Variants in BMP5 observed in about 807,000 individuals in gnomAD.
The protein encoded by BMP5 is bone morphogenetic protein 5.
BMP5 carries 23 observed loss-of-function variants against 46.6 expected under a neutral mutation model. That is an observed-to-expected ratio of 0.49 (90% CI 0.35 to 0.70). The LOEUF is 0.70. Among genes scored for constraint, BMP5 ranks in the 30% least tolerant of loss-of-function variants. The pLI, the probability that BMP5 is intolerant of heterozygous loss-of-function variation, is 0.00. For missense variants in BMP5, 545 were observed against 565.6 expected, an observed-to-expected ratio of 0.96 and a Z score of 0.37; for synonymous variants, 204 against 191.9, an observed-to-expected ratio of 1.06 and a Z score of -0.52.
intron 4 of BMP5, among the ~76,000 whole-genome samples, chr6:55,761,379 C>A (rs894125784): frequency 2.0e-5 from 3 of 152,030 alleles, no homozygotes; most frequent in Non-Finnish European, 2.9e-5. Flanking sequence ...CACTTCCCTG[C>A]CAGTCCCTCT....
At chr6:55,835,035 G>A (rs114684655) in intron 1 of BMP5, among the ~76,000 whole-genome samples, 431 of 150,920 alleles carry the variant, frequency 2.9e-3, no homozygotes, top group Admixed American at 4.5e-3. Flanking sequence ...GAAGTGAGAC[G>A]AAGTTGTGCC....
intron 1 of BMP5, among the ~76,000 whole-genome samples, chr6:55,824,773 C>A (rs2127540275): frequency 6.6e-6 from 1 of 152,026 alleles, no homozygotes; most frequent in Middle Eastern, 3.4e-3. Flanking sequence ...GAGACCACAG[C>A]AGCCTGTTCA....
At chr6:55,767,314 T>C (rs1774936996) in intron 4 of BMP5, among the ~76,000 whole-genome samples, 1 of 152,032 alleles carries the variant, frequency 6.6e-6, no homozygotes, top group Non-Finnish European at 1.5e-5. Context: ...ACTCCTTTTG[T>C]ACCAGTTCTA....
chr6:55,758,163 T>C (rs773881022), intron 6 of BMP5, among the ~76,000 whole-genome samples: 5 of 151,952 alleles, frequency 3.3e-5, no homozygotes, highest in Admixed American at 6.6e-5. Context: ...GATTCTAAAA[T>C]AATGTGTTCT....
chr6:55,813,206 T>A (rs937562976), intron 2 of BMP5, among the ~76,000 whole-genome samples: 1 of 152,130 alleles, frequency 6.6e-6, no homozygotes, highest in Admixed American at 6.5e-5. Context: ...TTTGTAAAGA[T>A]GTGTGTAGCA....
At chr6:55,799,369 AT>A (rs1265646868) in intron 2 of BMP5, among the ~76,000 whole-genome samples, 5 of 152,188 alleles carry the variant, frequency 3.3e-5, no homozygotes, top group Admixed American at 6.5e-5. Context: ...TTAATTTTGT[AT>A]TTACAAAAAG....
chr6:55,828,662 G>GA (rs1776586275), intron 1 of BMP5, among the ~76,000 whole-genome samples: 1 of 150,812 alleles, frequency 6.6e-6, no homozygotes, highest in African/African-American at 2.4e-5. Flanking sequence ...ATTTTATTTA[G>GA]AAAAAAATAA....
intron 3 of BMP5, among the ~76,000 whole-genome samples, chr6:55,777,314 AATG>A (rs1775200307): frequency 6.6e-6 from 1 of 152,006 alleles, no homozygotes; most frequent in African/African-American, 2.4e-5. Flanking sequence ...GAACTTTTTA[AATG>A]ATATTATTAA....
intron 2 of BMP5, among the ~76,000 whole-genome samples, chr6:55,810,065 G>C (rs1197831920): frequency 6.6e-6 from 1 of 152,012 alleles, no homozygotes; most frequent in Non-Finnish European, 1.5e-5. Context: ...ATTAATAATG[G>C]TAAATTCTAG....
chr6:55,826,653 C>A (rs1562057751), intron 1 of BMP5, among the ~76,000 whole-genome samples: 1 of 151,134 alleles, frequency 6.6e-6, no homozygotes, highest in Admixed American at 6.6e-5. Context: ...CTATGCATAC[C>A]AAGCATTGGT....
At chr6:55,784,969 G>C (rs906537303) in intron 3 of BMP5, among the ~76,000 whole-genome samples, 1 of 151,750 alleles carries the variant, frequency 6.6e-6, no homozygotes, top group African/African-American at 2.4e-5. Flanking sequence ...AATGGGTTAA[G>C]AAGAAGTAGA....
rs116825898 is a variant in BMP5, at chr6:55,768,502, G to A, written c.1027+5547C>T. 4.4e-3 allele frequency among the ~76,000 whole-genome samples: 663 copies of A among 151,892 alleles called. 7 individuals are homozygous for A. Among genetic ancestry groups the A allele is most frequent in the African/African-American group, 0.015 (605 of 41,492 alleles). Reference sequence around the variant, plus strand: ...GCTGTAGGCTAATGTAAATGTTATGGGCATGTGTAAGGGAGGCTAGGCTAA... The same window carrying A: ...GCTGTAGGCTAATGTAAATGTTATGAGCATGTGTAAGGGAGGCTAGGCTAA... On this transcript the variant is annotated intron_variant, in intron 4 of 6. Coordinates refer to ENST00000370830, the MANE Select transcript of BMP5 (RefSeq NM_021073.4).
chr6:55,833,003 A>C (rs887021185), intron 1 of BMP5, among the ~76,000 whole-genome samples: 2 of 152,066 alleles, frequency 1.3e-5, no homozygotes, highest in African/African-American at 2.4e-5. Flanking sequence ...GTACTTCTAG[A>C]TACTCCAGAG....
At chr6:55,779,172 C>T (rs1375742221) in intron 3 of BMP5, among the ~76,000 whole-genome samples, 1 of 151,898 alleles carries the variant, frequency 6.6e-6, no homozygotes, top group African/African-American at 2.4e-5. Context: ...ATTGAGTTTC[C>T]CTCTAGGATA....
intron 3 of BMP5, among the ~76,000 whole-genome samples, chr6:55,786,707 T>C (rs1038392049): frequency 2.6e-5 from 4 of 151,712 alleles, no homozygotes; most frequent in Non-Finnish European, 5.9e-5. Flanking sequence ...TTTATAACAA[T>C]ATTTATCTAG....
chr6:55,820,899 T>C (rs908718670), intron 1 of BMP5, among the ~76,000 whole-genome samples: 1 of 152,120 alleles, frequency 6.6e-6, no homozygotes, highest in African/African-American at 2.4e-5. Context: ...CTGTTCCTTT[T>C]GGGAATATTA....
intron 1 of BMP5, among the ~76,000 whole-genome samples, chr6:55,841,471 ATTGTGTTAC>A (rs1208095040): frequency 6.6e-6 from 1 of 152,154 alleles, no homozygotes; most frequent in Non-Finnish European, 1.5e-5. Context: ...GTCCATATAT[ATTGTGTTAC>A]TTTGCTAAGG....
At chr6:55,849,707 A>C (rs1402708377) in intron 1 of BMP5, among the ~76,000 whole-genome samples, 1 of 152,084 alleles carries the variant, frequency 6.6e-6, no homozygotes, top group African/African-American at 2.4e-5. Flanking sequence ...AAAGCTTTTA[A>C]AAGATTTCCT....
At chr6:55,784,419 T>C (rs1394254880) in intron 3 of BMP5, among the ~76,000 whole-genome samples, 4 of 151,830 alleles carry the variant, frequency 2.6e-5, no homozygotes, top group Admixed American at 2.0e-4. Flanking sequence ...TATTATTGAA[T>C]ATATTCTATA....
Sources: allele counts gnomAD v4.1 joint callset (sites outside exome capture counted in the v4.1 genomes callset), GRCh38; gene constraint gnomAD v4.1.1; transcripts MANE v1.5; gene names NCBI Gene and HGNC (gene_info 2026-07-23, HGNC 2026-07-21).